The following VPS54 variants were observed in gnomAD, a reference collection of about 807,000 sequenced individuals.
VPS54 encodes the protein VPS54 subunit of GARP complex.
In VPS54, 45 loss-of-function variants were observed where a neutral mutation model predicts 121.5. The observed-to-expected ratio is 0.37, with a 90% CI of 0.29 to 0.47. VPS54 has a LOEUF of 0.47. Ranked by LOEUF, VPS54 falls within the 20% of genes least tolerant of loss-of-function variation. The pLI is 0.99. For missense variants in VPS54, 1,090 were observed against 1,131.4 expected (o/e 0.96, Z 0.52); for synonymous variants, 371 against 385.8 (o/e 0.96, Z 0.45).
intron 7 of VPS54, 44 bp from the exon 8 acceptor site, chr2:63,949,207 C>T: frequency 6.4e-7 from 1 of 1,564,810 alleles, no homozygotes; most frequent in Non-Finnish European, 8.6e-7. Flanking sequence ...TCACTAAAAA[C>T]TACAAATTCG....
chr2:63,962,455 AG>A lies in VPS54; in HGVS notation c.625-13del, dbSNP rs770973286. 2 of 1,589,816 alleles carry A rather than the reference AG, an allele frequency of 1.3e-6. No individual in the cohort carries two copies. The highest frequency in any genetic ancestry group is 1.7e-6 in the Non-Finnish European group (2 of 1,168,944). On this transcript the variant is annotated splice_polypyrimidine_tract_variant and intron_variant, in intron 6 of 22. Coordinates refer to ENST00000272322, the MANE Select transcript of VPS54 (RefSeq NM_016516.3). ...AGATAATGGCTCAGCTTAAAAGAGAAGGAAAAAAAATATGAAGTACTATGAG... is the reference window on the plus strand; with the variant it reads ...AGATAATGGCTCAGCTTAAAAGAGAAGAAAAAAAATATGAAGTACTATGAG...
At chr2:63,966,007 T>C (rs772472732) in intron 5 of VPS54, 41 bp from the exon 6 acceptor site, 48 of 1,579,938 alleles carry the variant, frequency 3.0e-5, no homozygotes, top group Non-Finnish European at 4.0e-5. Flanking sequence ...ATAAGTATTT[T>C]CTTTATACCC....
At chr2:63,976,949 C>A (rs1676564708) in intron 3 of VPS54, among the ~76,000 whole-genome samples, 1 of 151,514 alleles carries the variant, frequency 6.6e-6, no homozygotes, top group Non-Finnish European at 1.5e-5. Flanking sequence ...TTGCCTCAGC[C>A]TCCCAAGTAG....
chr2:63,940,739 G>A (rs1029984881), intron 11 of VPS54, among the ~76,000 whole-genome samples: 9 of 142,542 alleles, frequency 6.3e-5, no homozygotes, highest in Non-Finnish European at 1.4e-4. Context: ...AAAAATTTCT[G>A]GCAAAAAGTT....
At chr2:63,931,776 C>A (rs1215737886) in intron 12 of VPS54, among the ~76,000 whole-genome samples, 2 of 152,126 alleles carry the variant, frequency 1.3e-5, no homozygotes, top group Admixed American at 6.6e-5. Flanking sequence ...GGCTAATATC[C>A]AGAATCTACA....
chr2:63,995,030 C>A (rs1232320631), intron 1 of VPS54, among the ~76,000 whole-genome samples: 1 of 152,232 alleles, frequency 6.6e-6, no homozygotes, highest in African/African-American at 2.4e-5. Context: ...TTACCCCCAT[C>A]TGAGGCCTCG....
At chr2:63,953,786 C>T (rs1027939195) in intron 7 of VPS54, among the ~76,000 whole-genome samples, 71 of 152,256 alleles carry the variant, frequency 4.7e-4, no homozygotes, top group African/African-American at 1.6e-3. Flanking sequence ...TGAGGTCATA[C>T]TGATACTTCC....
At chr2:63,903,555 G>A (rs189557607) in intron 20 of VPS54, among the ~76,000 whole-genome samples, 81 of 152,014 alleles carry the variant, frequency 5.3e-4, no homozygotes, top group Non-Finnish European at 6.6e-4. Context: ...ATAATCTAAA[G>A]CAAAAACAGT....
At chr2:63,965,811 T>C (rs752556354) in intron 6 of VPS54, 24 bp downstream of exon 6, 3 of 1,608,302 alleles carry the variant, frequency 1.9e-6, no homozygotes, top group African/African-American at 2.7e-5. Flanking sequence ...GTTTCCTACA[T>C]GGAAAAAGTC....
chr2:63,899,358 G>A (rs1672578562), intron 21 of VPS54, 116 bp downstream of exon 21: 1 of 831,634 alleles, frequency 1.2e-6, no homozygotes, highest in East Asian at 2.6e-5. Context: ...GTAAAAAAAT[G>A]ATAATCATAT....
Position 63,933,846 on chromosome 2 carries a change from G to T in VPS54, c.1566C>A (p.Phe522Leu), listed in dbSNP as rs760325610. Reference protein sequence around the residue: ...IHEGMFISDAFGEGELTPIAV... With the variant: ...IHEGMFISDALGEGELTPIAV... ...CTATAGGTGTTAGCTCACCCTCACCGAATGCATCACTTATAAACATGCCTT... is the reference window on the plus strand; with the variant it reads ...CTATAGGTGTTAGCTCACCCTCACCTAATGCATCACTTATAAACATGCCTT... The change falls in exon 12 of 23, where the codon TTC (phenylalanine) becomes TTA (leucine). Residue 522 changes from phenylalanine (F) to leucine (L), a missense_variant. This residue lies in a region of VPS54 where 801 missense variants were observed against 757.0 expected (regional missense o/e 1.06). Coordinates refer to ENST00000272322, the MANE Select transcript of VPS54 (RefSeq NM_016516.3). The T allele has an allele frequency of 2.5e-6, 4 of 1,613,680 alleles. No individual in the cohort carries two copies. The African/African-American group carries it at 5.3e-5, about 22-fold the overall frequency.
intron 7 of VPS54, among the ~76,000 whole-genome samples, chr2:63,957,561 GAAT>G (rs745378587): frequency 2.6e-5 from 4 of 151,082 alleles, no homozygotes; most frequent in African/African-American, 4.9e-5. Flanking sequence ...ATGTACAAAA[GAAT>G]AATAATAATT....
At chr2:64,006,032 G>A (rs567742810) in intron 1 of VPS54, among the ~76,000 whole-genome samples, 84 of 152,278 alleles carry the variant, frequency 5.5e-4, no homozygotes, top group African/African-American at 1.8e-3. Context: ...TTTTAAAAAG[G>A]TGGGAAACTA....
chr2:63,946,461 A>G (rs1370128197), intron 9 of VPS54, among the ~76,000 whole-genome samples: 1 of 152,040 alleles, frequency 6.6e-6, no homozygotes, highest in East Asian at 1.9e-4. Context: ...ATTGCCAACA[A>G]TTTTTCAAAG....
chr2:63,953,761 G>GC (rs1675368064), intron 7 of VPS54, among the ~76,000 whole-genome samples: 1 of 152,162 alleles, frequency 6.6e-6, no homozygotes, highest in Non-Finnish European at 1.5e-5. Context: ...GGTAGGGGTT[G>GC]TGGGGGAGAA....
intron 1 of VPS54, among the ~76,000 whole-genome samples, chr2:63,989,636 G>A (rs756908223): frequency 3.3e-5 from 5 of 152,132 alleles, no homozygotes; most frequent in African/African-American, 4.8e-5. Context: ...TCATCGGTTC[G>A]GTCCACAGAA....
intron 6 of VPS54, among the ~76,000 whole-genome samples, chr2:63,964,928 T>C (rs983510463): frequency 6.6e-6 from 1 of 152,196 alleles, no homozygotes; most frequent in Non-Finnish European, 1.5e-5. Flanking sequence ...AGACTCTTGA[T>C]AAGTAAATTA....
chr2:63,956,991 G>A (rs563398502), intron 7 of VPS54, among the ~76,000 whole-genome samples: 183 of 152,156 alleles, frequency 1.2e-3, no homozygotes, highest in Middle Eastern at 0.01. Flanking sequence ...TTGGGCTCAC[G>A]AGACTTATGT....
chr2:63,919,767 GA>G, intron 15 of VPS54, 115 bp downstream of exon 15: 1 of 633,672 alleles, frequency 1.6e-6, no homozygotes, highest in Non-Finnish European at 2.5e-6. Context: ...TACTAAGCTG[GA>G]AATATTGGTT....
Sources: allele counts gnomAD v4.1 joint callset (sites outside exome capture counted in the v4.1 genomes callset), GRCh38; gene constraint gnomAD v4.1.1; regional missense constraint gnomAD v4.1.1; transcripts MANE v1.5; gene names NCBI Gene and HGNC (gene_info 2026-07-23, HGNC 2026-07-21).